SUSD4: variants seen among roughly 807,000 people sequenced by gnomAD.
The protein encoded by SUSD4 is sushi domain-containing protein 4.
A neutral mutation model predicts 50.5 loss-of-function variants in SUSD4; 41 were observed. That is an observed-to-expected ratio of 0.81 (90% CI 0.63 to 1.05). The LOEUF is 1.05. Ranked by LOEUF, SUSD4 falls within the 50% of genes least tolerant of loss-of-function variation. SUSD4 has a pLI of 0.00. For missense variants in SUSD4, 580 were observed against 634.7 expected (o/e 0.91, Z 0.93); for synonymous variants, 257 against 257.3 (o/e 1.00, Z 0.01).
intron 3 of SUSD4, among the ~76,000 whole-genome samples, chr1:223,290,381 A>G (rs1433186107): frequency 6.6e-6 from 1 of 152,234 alleles, no homozygotes; most frequent in African/African-American, 2.4e-5. Flanking sequence ...TTTCTCTACT[A>G]TCAGGGCAAC....
At chr1:223,320,405 G>A (rs1666502293) in intron 2 of SUSD4, among the ~76,000 whole-genome samples, 1 of 152,042 alleles carries the variant, frequency 6.6e-6, no homozygotes, top group Non-Finnish European at 1.5e-5. Flanking sequence ...ACAAGACCAG[G>A]ACACTAGGCG....
chr1:223,293,559 C>A (rs1251242345), intron 2 of SUSD4, among the ~76,000 whole-genome samples: 1 of 152,086 alleles, frequency 6.6e-6, no homozygotes, highest in Non-Finnish European at 1.5e-5. Flanking sequence ...AGAGAGAGAG[C>A]CCAGAAGCCC....
chr1:223,225,592 T>C (rs749252503), intron 7 of SUSD4, among the ~76,000 whole-genome samples: 1 of 152,142 alleles, frequency 6.6e-6, no homozygotes, highest in Non-Finnish European at 1.5e-5. Context: ...TAGTTACTGC[T>C]TCCTTGACAA....
chr1:223,346,530 G>A (rs1668045812), intron 2 of SUSD4, among the ~76,000 whole-genome samples: 1 of 152,172 alleles, frequency 6.6e-6, no homozygotes, highest in Non-Finnish European at 1.5e-5. Flanking sequence ...CCCCAGCCTG[G>A]AAGCAGTGAG....
At chr1:223,222,434 T>C (rs1273402279) in intron 8 of SUSD4, among the ~76,000 whole-genome samples, 1 of 152,200 alleles carries the variant, frequency 6.6e-6, no homozygotes, top group East Asian at 1.9e-4. Context: ...ATTATGATCT[T>C]ATTTCCAGTT....
At chr1:223,354,588 T>C (rs1227483297) in intron 2 of SUSD4, among the ~76,000 whole-genome samples, 1 of 152,208 alleles carries the variant, frequency 6.6e-6, no homozygotes, top group African/African-American at 2.4e-5. Context: ...ACCAAGTATA[T>C]GCTGGCATGC....
chr1:223,306,611 C>T (rs1665549222), intron 2 of SUSD4, among the ~76,000 whole-genome samples: 1 of 152,186 alleles, frequency 6.6e-6, no homozygotes, highest in Non-Finnish European at 1.5e-5. Flanking sequence ...CACACCTCAT[C>T]CTCTTGAGTA....
chr1:223,305,651 G>A (rs1665491438), intron 2 of SUSD4, among the ~76,000 whole-genome samples: 1 of 152,076 alleles, frequency 6.6e-6, no homozygotes, highest in Admixed American at 6.6e-5. Context: ...GTACCCCTTG[G>A]GAAATACAAC....
chr1:223,235,055 A>C, intron 5 of SUSD4: 1 of 1,610,372 alleles, frequency 6.2e-7, no homozygotes, highest in East Asian at 2.2e-5. Flanking sequence ...TGCCAACCTG[A>C]TGTGTGGGAA....
intron 5 of SUSD4, among the ~76,000 whole-genome samples, chr1:223,255,230 C>G (rs1233482963): frequency 6.6e-6 from 1 of 152,190 alleles, no homozygotes; most frequent in African/African-American, 2.4e-5. Flanking sequence ...ACACATTCAT[C>G]TTCAAAGGGA....
intron 3 of SUSD4, among the ~76,000 whole-genome samples, chr1:223,269,972 C>T (rs1301556617): frequency 6.6e-6 from 1 of 152,070 alleles, no homozygotes; most frequent in African/African-American, 2.4e-5. Context: ...GTGGGTGACT[C>T]TCGTGGCTAG....
At chr1:223,338,726 G>A (rs1403170064) in intron 2 of SUSD4, among the ~76,000 whole-genome samples, 1 of 152,236 alleles carries the variant, frequency 6.6e-6, no homozygotes, top group African/African-American at 2.4e-5. Context: ...GCTGCAGGGT[G>A]GCTCCAGGCC....
intron 5 of SUSD4, among the ~76,000 whole-genome samples, chr1:223,252,709 A>G (rs1386653561): frequency 6.8e-6 from 1 of 146,132 alleles, no homozygotes; most frequent in Non-Finnish European, 1.5e-5. Flanking sequence ...ATGAATTTCC[A>G]TATAATTGGC....
intron 5 of SUSD4, among the ~76,000 whole-genome samples, chr1:223,232,218 A>G (rs1659943384): frequency 1.3e-5 from 2 of 152,330 alleles, no homozygotes; most frequent in Non-Finnish European, 1.5e-5. Context: ...GTGCAGTTCC[A>G]TAGGACGAAG....
chr1:223,268,853 C>A (rs536456016), intron 3 of SUSD4, among the ~76,000 whole-genome samples, 178 bp from the exon 4 acceptor site: 1 of 152,070 alleles, frequency 6.6e-6, no homozygotes, highest in Non-Finnish European at 1.5e-5. Flanking sequence ...GGTGGCTTCA[C>A]GGGAGTAACG....
chr1:223,233,450 C>T (rs1409975590), intron 5 of SUSD4, among the ~76,000 whole-genome samples: 1 of 152,108 alleles, frequency 6.6e-6, no homozygotes, highest in Non-Finnish European at 1.5e-5. Context: ...GGACTTCCAC[C>T]TCTCACCCAA....
chr1:223,362,796 T>C (rs1669059393), intron 2 of SUSD4, among the ~76,000 whole-genome samples: 1 of 152,194 alleles, frequency 6.6e-6, no homozygotes, highest in African/African-American at 2.4e-5. Context: ...GCAGCCAGTC[T>C]GACCACGTTT....
intron 5 of SUSD4, chr1:223,263,589 G>A: frequency 1.0e-6 from 1 of 985,294 alleles, no homozygotes; most frequent in Middle Eastern, 5.2e-4. Context: ...AATGGGAAGG[G>A]CTGGCCTTCT....
Position 223,288,929 on chromosome 1 carries a change from T to C in SUSD4, c.361+3510A>G, listed in dbSNP as rs570040559. On this transcript the variant is annotated intron_variant, in intron 3 of 8. Transcript: ENST00000366878. Reference sequence around the variant, plus strand: ...GCATTTTTTATGTCCTGAGGACGTATGTGTTGAGTAAGTGTTTGTCAAGTG... The same window carrying C: ...GCATTTTTTATGTCCTGAGGACGTACGTGTTGAGTAAGTGTTTGTCAAGTG... 7.2e-5 allele frequency among the ~76,000 whole-genome samples: 11 copies of C among 152,324 alleles called. No individual in the cohort carries two copies. The East Asian group carries it at 1.9e-3, about 27-fold the overall frequency.
Sources: gnomAD v4.1 joint callset for allele counts (sites outside exome capture counted in the v4.1 genomes callset) on GRCh38, gnomAD v4.1.1 for gene constraint, MANE v1.5 for transcripts, NCBI Gene and HGNC (gene_info 2026-07-23, HGNC 2026-07-21) for gene names.